Variants in ACYP1 observed in about 807,000 individuals in gnomAD.
ACYP1 encodes the protein acylphosphatase 1.
ACYP1 carries 8 observed loss-of-function variants against 10.4 expected under a neutral mutation model. That is an observed-to-expected ratio of 0.77 (90% confidence interval 0.45 to 1.38). The LOEUF (loss-of-function observed/expected upper bound fraction) is 1.38. Among genes scored for constraint, ACYP1 ranks in the 40% most tolerant of loss-of-function variants. The pLI is 0.00. For synonymous variants in ACYP1, 38 were observed against 40.8 expected (o/e 0.93, Z 0.26); for missense variants, 93 against 117.3 (o/e 0.79, Z 0.96).
At chr14:75,067,377 G>A (rs1398631845), upstream of ACYP1, among the ~76,000 whole-genome samples, 2 of 152,116 alleles carry the variant, frequency 1.3e-5, no homozygotes, top group Non-Finnish European at 2.9e-5. Context: ...ATTCTAAGTG[G>A]GTGGATAATC....
chr14:75,058,839 C>T (rs961339070), intron 2 of ACYP1, among the ~76,000 whole-genome samples: 2 of 152,174 alleles, frequency 1.3e-5, no homozygotes, highest in African/African-American at 2.4e-5. Context: ...TACCTCACAT[C>T]ACATAAAAAT....
At chr14:75,053,729 C>A in intron 2 of ACYP1, 70 bp from the exon 3 acceptor site, 1 of 1,449,066 alleles carries the variant, frequency 6.9e-7, no homozygotes, top group South Asian at 1.2e-5. Flanking sequence ...CAATCTGTTG[C>A]CAGAATCTTG....
Position 75,055,494 on chromosome 14 carries a change from T to C in ACYP1, c.85-1835A>G, listed in dbSNP as rs1892855431. 2.0e-5 allele frequency among the ~76,000 whole-genome samples: 3 copies of C among 151,518 alleles called. No individual in the cohort carries two copies. The South Asian group carries it at 6.3e-4, about 32-fold the overall frequency. ...GTGTGCTCAACTCTGTTCTTATTTT[T>C]TTAATGATGACATAATGTTATTGAC... is the stretch of plus-strand genomic sequence containing the variant. On this transcript the variant is annotated intron_variant, in intron 2 of 2. Coordinates refer to ENST00000238618, the MANE Select transcript of ACYP1 (RefSeq NM_001107.5).
In ACYP1 at chr14:75,058,449, C is replaced by CA. The variant is rs999157902; in HGVS notation, c.85-4791dup. On this transcript the variant is annotated intron_variant, in intron 2 of 2. Transcript: ENST00000238618. The stretch of plus-strand genomic sequence containing the variant: ...GGGCGACAAGAACAAGACTCCGTTT[C>CA]AAAAAAAATAAATAAAAATAACAAC... Among the ~76,000 whole-genome samples, 64 of 150,608 alleles carry CA rather than the reference C, an allele frequency of 4.2e-4. 1 individual carries two copies. Among genetic ancestry groups the CA allele is most frequent in the Middle Eastern group, 3.4e-3 (1 of 290 alleles).
exon 1 of ACYP1, chr14:75,069,326 C>T: frequency 1.4e-6 from 2 of 1,404,200 alleles, no homozygotes; most frequent in South Asian, 3.1e-5. Flanking sequence ...ACAGCCAGGG[C>T]CTCCGCCCTT....
At chr14:75,060,240 A>G (rs918849240) in intron 2 of ACYP1, 1 of 692,128 alleles carries the variant, frequency 1.4e-6, no homozygotes, top group African/African-American at 1.8e-5. Flanking sequence ...CTTGATTTAA[A>G]TCCTTTTAAA....
intron 2 of ACYP1, chr14:75,060,021 T>G (rs1892979049): frequency 2.7e-6 from 1 of 368,248 alleles, no homozygotes; most frequent in South Asian, 8.6e-5. Flanking sequence ...TGAAAAGCGT[T>G]CTGTAGATAA....
upstream of ACYP1, among the ~76,000 whole-genome samples, chr14:75,068,282 C>T (rs535129368): frequency 6.6e-6 from 1 of 152,098 alleles, no homozygotes; most frequent in South Asian, 2.1e-4. Flanking sequence ...CAAAACAGGG[C>T]GAGATTCCGT....
At chr14:75,061,678 A>C (rs1320421008) in intron 2 of ACYP1, 9 of 1,579,928 alleles carry the variant, frequency 5.7e-6, no homozygotes, top group Non-Finnish European at 7.8e-6. Context: ...ATTTACAGGA[A>C]CTTACCTGCA....
At position 75,061,540 on chromosome 14, in the gene ACYP1, TTC is replaced by T. The variant is rs562304967; in HGVS notation, c.84+1928_84+1929del. The T allele has an allele frequency of 7.3e-5, 31 of 424,458 alleles. 1 individual carries two copies. The South Asian group carries it at 2.1e-3, about 29-fold the overall frequency. The allele number at this position is 424,458 out of a possible 1,614,324, so 26.3% of individuals were successfully genotyped here. A position where few individuals can be genotyped will look rare whatever the true frequency, so the allele number is the denominator to read the frequency against. The stretch of plus-strand genomic sequence containing the variant: ...TCCAATCAATATTTGTTTTTCTGCA[TTC>T]TGTTATTCTCTCTTTAAACTGGGGA... On this transcript the variant is annotated intron_variant, in intron 2 of 2. Transcript: ENST00000238618.
chr14:75,054,644 C>T (rs950840057), intron 2 of ACYP1, among the ~76,000 whole-genome samples: 3 of 151,460 alleles, frequency 2.0e-5, no homozygotes, highest in African/African-American at 7.3e-5. Flanking sequence ...CCAAAGAAAA[C>T]GTTATGCATA....
intron 2 of ACYP1, among the ~76,000 whole-genome samples, chr14:75,060,918 T>C (rs1354881276): frequency 6.6e-6 from 1 of 151,910 alleles, no homozygotes; most frequent in Non-Finnish European, 1.5e-5. Context: ...AATACAAAAG[T>C]TAACTGGGCA....
chr14:75,056,079 T>C lies in ACYP1; in HGVS notation c.85-2420A>G, dbSNP rs1040611239. Among the ~76,000 whole-genome samples, 6 of 150,836 alleles carry C rather than the reference T, an allele frequency of 4.0e-5. 1 individual carries two copies. Among genetic ancestry groups the C allele is most frequent in the African/African-American group, 9.9e-5 (4 of 40,602 alleles). On this transcript the variant is annotated intron_variant, in intron 2 of 2. Transcript: ENST00000238618. ...CAACCAAAACTGAATCAAGAAGAAA[T>C]AGAAAGTCTGAATAGACCTATACCA...
rs367893903 is a variant in ACYP1 at position 75,053,408 on chromosome 14, C to T, written c.*36G>A. The T allele has an allele frequency of 1.3e-6, 2 of 1,572,730 alleles. No homozygotes were observed. The highest frequency in any genetic ancestry group is 1.7e-5 in the Admixed American group (1 of 59,778). ...TCTCTATTAATAATAAAAACCAAACCACTGAGTTTATCTTAGAAAACTTAA... is the reference window on the plus strand; with the variant it reads ...TCTCTATTAATAATAAAAACCAAACTACTGAGTTTATCTTAGAAAACTTAA... On this transcript the variant is annotated 3_prime_UTR_variant, in exon 3 of 3. Coordinates refer to ENST00000238618, the MANE Select transcript of ACYP1 (RefSeq NM_001107.5).
chr14:75,053,519 G>T lies in ACYP1; in HGVS notation c.225C>A (p.His75Gln). 6.2e-7 allele frequency: 1 copy of T among 1,614,178 alleles called. No homozygotes were observed. The highest frequency in any genetic ancestry group is 8.5e-7 in the Non-Finnish European group (1 of 1,180,040). ...CATTGTTGAAGTTTGCTTTGTCGAT[G>T]TGTGATTTAGGACTTCCTCTTGTTT... ...WLETRGSPKSHIDKANFNNEK... is the reference protein window; with the variant it reads ...WLETRGSPKSQIDKANFNNEK... Residue 75 changes from histidine to glutamine, a missense_variant, in exon 3 of 3, where the codon CAC becomes CAA. Coordinates refer to ENST00000238618, the MANE Select transcript of ACYP1 (RefSeq NM_001107.5).
chr14:75,053,533 T>C lies in ACYP1; in HGVS notation c.211A>G (p.Ser71Gly), dbSNP rs1440711347. ...HMQEWLETRG[S>G]PKSHIDKANF... ...GCTTTGTCGATGTGTGATTTAGGAC[T>C]TCCTCTTGTTTCAAGCCATTCCTGC... The change falls in exon 3 of 3, where the codon AGT becomes GGT. Residue 71 changes from serine to glycine, a missense_variant. Coordinates refer to ENST00000238618, the MANE Select transcript of ACYP1 (RefSeq NM_001107.5). 6.2e-7 allele frequency: 1 copy of C among 1,614,202 alleles called. No individual in the cohort carries two copies. The highest frequency in any genetic ancestry group is 8.5e-7 in the Non-Finnish European group (1 of 1,180,028).
chr14:75,057,987 A>AAAAAAAAAAAC (rs1304812247), intron 2 of ACYP1, among the ~76,000 whole-genome samples: 4 of 147,580 alleles, frequency 2.7e-5, no homozygotes, highest in Admixed American at 6.7e-5. Context: ...AAAAAAAAAA[A>AAAAAAAAAAAC]AGAACTACCT....
upstream of ACYP1, among the ~76,000 whole-genome samples, chr14:75,067,182 T>TACACAC (rs60274425): frequency 2.4e-4 from 35 of 147,362 alleles, no homozygotes; most frequent in African/African-American, 5.8e-4. Flanking sequence ...TGTCTGGAAC[T>TACACAC]ACACACACAC....
At chr14:75,061,743 C>A in intron 2 of ACYP1, 2 of 1,588,006 alleles carry the variant, frequency 1.3e-6, no homozygotes, top group South Asian at 2.2e-5. Context: ...TTCAGCAATT[C>A]TGTTTTCAAC....
Sources: gnomAD v4.1 joint callset for allele counts (sites outside exome capture counted in the v4.1 genomes callset) on GRCh38, gnomAD v4.1.1 for gene constraint, MANE v1.5 for transcripts, NCBI Gene and HGNC (gene_info 2026-07-23, HGNC 2026-07-21) for gene names.